PLXDC2: variants seen among roughly 807,000 people sequenced by gnomAD.
The protein encoded by PLXDC2 is plexin domain-containing protein 2.
A neutral mutation model predicts 68.9 loss-of-function variants in PLXDC2; 40 were observed. The ratio of observed to expected loss-of-function variants is 0.58; its 90% CI spans 0.45 to 0.76. PLXDC2 has a LOEUF of 0.76. PLXDC2 is among the 30% of genes least tolerant of loss of function. The probability of loss-of-function intolerance (pLI) is 0.00; values close to 1 mark genes in which losing one functional copy is unlikely to be tolerated. For synonymous variants in PLXDC2, 243 were observed against 234.2 expected, an observed-to-expected ratio of 1.04 and a Z score of -0.34; for missense variants, 644 against 661.9, an observed-to-expected ratio of 0.97 and a Z score of 0.30.
rs117770267 is a variant in PLXDC2, at chr10:19,863,545, C to T, written c.112+46354C>T. 8.3e-4 allele frequency among the ~76,000 whole-genome samples: 127 copies of T among 152,304 alleles called. No homozygotes were observed. The East Asian group carries it at 0.023, about 28-fold the overall frequency. Reference sequence around the variant, plus strand: ...CCTGCAGAAAGGCAAGTGTGACACGCAGCACTTCCTCATGTGTAAGCTTTG... The same window carrying T: ...CCTGCAGAAAGGCAAGTGTGACACGTAGCACTTCCTCATGTGTAAGCTTTG... On this transcript the variant is annotated intron_variant, in intron 1 of 13. Coordinates refer to ENST00000377252, the MANE Select transcript of PLXDC2 (RefSeq NM_032812.9).
At chr10:20,059,178 A>G (rs1836055424) in intron 3 of PLXDC2, among the ~76,000 whole-genome samples, 1 of 152,194 alleles carries the variant, frequency 6.6e-6, no homozygotes, top group African/African-American at 2.4e-5. Context: ...TGAAAAATCT[A>G]GAAGCAATTT....
intron 4 of PLXDC2, among the ~76,000 whole-genome samples, chr10:20,083,103 C>G (rs10508611): frequency 5.9e-5 from 9 of 151,946 alleles, no homozygotes; most frequent in Non-Finnish European, 1.3e-4. Flanking sequence ...TGGTAACCCC[C>G]TAAGAGACTT....
intron 1 of PLXDC2, among the ~76,000 whole-genome samples, chr10:19,960,680 C>T (rs1025628161): frequency 6.6e-6 from 1 of 152,144 alleles, no homozygotes; most frequent in Non-Finnish European, 1.5e-5. Context: ...AAATATCTTT[C>T]CAAGCAAAGA....
chr10:20,172,152 T>C (rs1834455380), intron 7 of PLXDC2, among the ~76,000 whole-genome samples: 2 of 151,586 alleles, frequency 1.3e-5, no homozygotes, highest in South Asian at 2.1e-4. Flanking sequence ...CTCTGAGGCC[T>C]TCATTTTGGG....
rs550453646 is a variant in PLXDC2 at position 20,096,916 on chromosome 10, T to TA, written c.541+28684dup. Among the ~76,000 whole-genome samples, 34 of 152,188 alleles carry TA rather than the reference T, an allele frequency of 2.2e-4. No individual in the cohort carries two copies. In the East Asian group the frequency reaches 3.1e-3, roughly 14 times the overall value. ...TGTAGGGTCTGTTTCTTTCCTACAT[T>TA]AAAAAAAGCGAAATTAATTCCCTTC... On this transcript the variant is annotated intron_variant, in intron 4 of 13. Coordinates refer to ENST00000377252, the MANE Select transcript of PLXDC2 (RefSeq NM_032812.9).
chr10:20,043,599 A>C (rs1166647266), intron 2 of PLXDC2, among the ~76,000 whole-genome samples: 3 of 152,152 alleles, frequency 2.0e-5, no homozygotes, highest in African/African-American at 7.2e-5. Flanking sequence ...TCTATTTTGT[A>C]ATATTCCCTA....
intron 4 of PLXDC2, among the ~76,000 whole-genome samples, chr10:20,119,346 G>T (rs1205239785): frequency 1.3e-5 from 2 of 151,870 alleles, no homozygotes; most frequent in Non-Finnish European, 2.9e-5. Flanking sequence ...ATAAGATTTG[G>T]GTAGGTAAAG....
intron 5 of PLXDC2, among the ~76,000 whole-genome samples, 182 bp from the exon 6 acceptor site, chr10:20,147,602 A>G (rs551141515): frequency 8.5e-5 from 13 of 152,330 alleles, no homozygotes; most frequent in African/African-American, 2.9e-4. Flanking sequence ...AGAGTACTCA[A>G]TCCTTTAAAA....
chr10:19,854,884 C>A (rs186873908), intron 1 of PLXDC2, among the ~76,000 whole-genome samples: 9 of 152,254 alleles, frequency 5.9e-5, no homozygotes, highest in Admixed American at 5.2e-4. Context: ...TTTTCCACTG[C>A]GAGAAAAATG....
At chr10:19,870,790 T>A (rs1416990090) in intron 1 of PLXDC2, among the ~76,000 whole-genome samples, 2 of 152,190 alleles carry the variant, frequency 1.3e-5, no homozygotes, top group African/African-American at 4.8e-5. Flanking sequence ...TAACACCTGT[T>A]TGGTGTCAGG....
At chr10:20,091,144 T>G (rs1050311848) in intron 4 of PLXDC2, among the ~76,000 whole-genome samples, 2 of 152,216 alleles carry the variant, frequency 1.3e-5, no homozygotes, top group Admixed American at 1.3e-4. Flanking sequence ...TCCACCAGCA[T>G]GTTTGGGCAT....
intron 1 of PLXDC2, among the ~76,000 whole-genome samples, chr10:19,870,003 G>A (rs1325904296): frequency 2.6e-5 from 4 of 152,160 alleles, no homozygotes. Flanking sequence ...TTCTCTTGAA[G>A]GAACAAGATA....
chr10:19,955,481 G>T (rs1355630268), intron 1 of PLXDC2, among the ~76,000 whole-genome samples: 1 of 152,022 alleles, frequency 6.6e-6, no homozygotes, highest in Non-Finnish European at 1.5e-5. Flanking sequence ...GCTATCCAAG[G>T]TCAGGCAGAG....
At chr10:20,212,638 T>G (rs944406530) in intron 10 of PLXDC2, among the ~76,000 whole-genome samples, 1 of 152,206 alleles carries the variant, frequency 6.6e-6, no homozygotes, top group South Asian at 2.1e-4. Context: ...ATTTGTTCAA[T>G]GGTTACTTAG....
intron 2 of PLXDC2, among the ~76,000 whole-genome samples, chr10:20,004,036 G>A (rs902876288): frequency 1.3e-5 from 2 of 152,114 alleles, no homozygotes; most frequent in Non-Finnish European, 2.9e-5. Flanking sequence ...GAACCAGGCA[G>A]CATTCTTTTT....
chr10:20,131,066 T>A (rs1341138511), intron 4 of PLXDC2, among the ~76,000 whole-genome samples: 1 of 152,164 alleles, frequency 6.6e-6, no homozygotes, highest in Non-Finnish European at 1.5e-5. Flanking sequence ...TTAAATATCC[T>A]TTAAATGTTT....
intron 1 of PLXDC2, among the ~76,000 whole-genome samples, chr10:19,869,543 C>T (rs537995730): frequency 2.0e-5 from 3 of 149,782 alleles, no homozygotes; most frequent in East Asian, 3.9e-4. Flanking sequence ...CATTTTTTCT[C>T]ATTTGTACAA....
intron 1 of PLXDC2, among the ~76,000 whole-genome samples, chr10:19,855,588 G>A (rs1837196674): frequency 6.6e-6 from 1 of 152,084 alleles, no homozygotes; most frequent in South Asian, 2.1e-4. Flanking sequence ...ATACTTAGAG[G>A]TTCAGCATCC....
chr10:19,993,300 A>G (rs1325462102), intron 1 of PLXDC2, among the ~76,000 whole-genome samples: 2 of 140,126 alleles, frequency 1.4e-5, no homozygotes, highest in Non-Finnish European at 3.1e-5. Flanking sequence ...TATTTTCCAT[A>G]GGATAGTATA....
Sources: allele counts gnomAD v4.1 joint callset (sites outside exome capture counted in the v4.1 genomes callset), GRCh38; gene constraint gnomAD v4.1.1; transcripts MANE v1.5; gene names NCBI Gene and HGNC (gene_info 2026-07-23, HGNC 2026-07-21).